MAP2: variants seen among roughly 807,000 people sequenced by gnomAD.
MAP2 encodes microtubule associated protein 2.
MAP2 carries 14 observed loss-of-function variants against 137.6 expected under a neutral mutation model. The observed-to-expected ratio is 0.10, with a 90% CI of 0.07 to 0.16. The LOEUF is 0.16. Ranked by LOEUF, MAP2 falls within the 10% of genes least tolerant of loss-of-function variation. The probability of loss-of-function intolerance (pLI) is 1.00; values close to 1 mark genes in which losing one functional copy is unlikely to be tolerated. For synonymous variants in MAP2, 786 were observed against 782.3 expected, an observed-to-expected ratio of 1.00 and a Z score of -0.08; for missense variants, 2,088 against 2,191.5, an observed-to-expected ratio of 0.95 and a Z score of 0.94.
At chr2:209,683,200 T>C (rs1024053864) in intron 7 of MAP2, among the ~76,000 whole-genome samples, 10 of 152,212 alleles carry the variant, frequency 6.6e-5, no homozygotes, top group African/African-American at 2.2e-4. Flanking sequence ...AGGTGTCAAC[T>C]TTCCAGAGTT....
intron 4 of MAP2, among the ~76,000 whole-genome samples, chr2:209,637,272 A>G (rs914619138): frequency 2.0e-5 from 3 of 152,098 alleles, no homozygotes; most frequent in Admixed American, 6.6e-5. Flanking sequence ...GTGAAACCCT[A>G]TCTCTATTAA....
intron 1 of MAP2, among the ~76,000 whole-genome samples, chr2:209,432,722 T>C (rs961064636): frequency 2.0e-5 from 3 of 152,160 alleles, no homozygotes; most frequent in African/African-American, 7.2e-5. Context: ...GAGTTTCTTA[T>C]AATTTCCATA....
chr2:209,681,174 A>T (rs2054392034), intron 7 of MAP2, among the ~76,000 whole-genome samples: 1 of 152,180 alleles, frequency 6.6e-6, no homozygotes, highest in Non-Finnish European at 1.5e-5. Context: ...TAAAATAAAT[A>T]TAAATGTAAT....
At chr2:209,537,039 CTTTGCTTTATTGTT>C (rs1352912709) in intron 2 of MAP2, among the ~76,000 whole-genome samples, 3 of 152,144 alleles carry the variant, frequency 2.0e-5, no homozygotes, top group Non-Finnish European at 2.9e-5. Flanking sequence ...TTTTGTTGTG[CTTTGCTTTATTGTT>C]TTTGCTTTAT....
intron 2 of MAP2, chr2:209,579,729 T>TGC: frequency 6.6e-6 from 1 of 152,184 alleles, no homozygotes; most frequent in Admixed American, 6.5e-5. Context: ...AAGGCTAGAC[T>TGC]TGAGTGGTAT....
At chr2:209,718,657 G>T (rs142250195) in intron 13 of MAP2, among the ~76,000 whole-genome samples, 1 of 152,108 alleles carries the variant, frequency 6.6e-6, no homozygotes, top group Admixed American at 6.6e-5. Context: ...CTCAGCTTGC[G>T]TAGGAAAATT....
At chr2:209,610,987 A>C (rs2086649118) in intron 3 of MAP2, among the ~76,000 whole-genome samples, 1 of 152,184 alleles carries the variant, frequency 6.6e-6, no homozygotes, top group Admixed American at 6.5e-5. Flanking sequence ...ATTAAATTCT[A>C]CAAAGAGTCT....
intron 1 of MAP2, among the ~76,000 whole-genome samples, chr2:209,451,244 C>T (rs1440465321): frequency 6.6e-6 from 1 of 152,208 alleles, no homozygotes; most frequent in Non-Finnish European, 1.5e-5. Flanking sequence ...CATCCACTCT[C>T]CACCTTTCTC....
chr2:209,640,765 T>A (rs1341415035), intron 4 of MAP2, among the ~76,000 whole-genome samples: 2 of 152,222 alleles, frequency 1.3e-5, no homozygotes, highest in African/African-American at 2.4e-5. Flanking sequence ...TCTCCAGGAC[T>A]TTATTCTTCC....
intron 3 of MAP2, among the ~76,000 whole-genome samples, chr2:209,590,293 A>G (rs1032323494): frequency 4.6e-5 from 7 of 152,184 alleles, no homozygotes; most frequent in African/African-American, 7.2e-5. Context: ...GTTGGCTAAT[A>G]AATACGGTAG....
rs1575590160 is a variant in MAP2, at chr2:209,471,254, A to G, written c.-221-36338A>G. On this transcript the variant is annotated intron_variant, in intron 1 of 15. Transcript: ENST00000682079. Reference sequence around the variant, plus strand: ...TCTGACTCATCCTACACAGGAAGGGAATCCTTACTCAAACTCCTTCAGGTT... The same window carrying G: ...TCTGACTCATCCTACACAGGAAGGGGATCCTTACTCAAACTCCTTCAGGTT... Among the ~76,000 whole-genome samples the G allele has an allele frequency of 2.0e-5, 3 of 152,174 alleles. 1 individual carries two copies. The highest frequency in any genetic ancestry group is 2.0e-4 in the Admixed American group (3 of 15,268).
chr2:209,558,715 A>G (rs1204570274), intron 2 of MAP2, among the ~76,000 whole-genome samples: 1 of 151,504 alleles, frequency 6.6e-6, no homozygotes, highest in Non-Finnish European at 1.5e-5. Context: ...TCCAAGAATA[A>G]GCAAGGTTAC....
At chr2:209,662,163 T>G (rs1375624351) in intron 5 of MAP2, among the ~76,000 whole-genome samples, 1 of 152,220 alleles carries the variant, frequency 6.6e-6, no homozygotes, top group Non-Finnish European at 1.5e-5. Flanking sequence ...CTACAAACAC[T>G]TCAAGTTGTG....
intron 1 of MAP2, among the ~76,000 whole-genome samples, chr2:209,484,550 C>T (rs1020789749): frequency 1.3e-5 from 2 of 152,068 alleles, no homozygotes; most frequent in African/African-American, 2.4e-5. Context: ...ATTAGTCTGG[C>T]GTGGTTGCAG....
At chr2:209,535,261 G>C (rs1364359771) in intron 2 of MAP2, among the ~76,000 whole-genome samples, 1 of 152,148 alleles carries the variant, frequency 6.6e-6, no homozygotes, top group Non-Finnish European at 1.5e-5. Context: ...TGCTCAATTT[G>C]TTCTTTGTAT....
intron 4 of MAP2, among the ~76,000 whole-genome samples, chr2:209,651,926 G>T (rs2094829788): frequency 1.3e-5 from 2 of 152,284 alleles, no homozygotes; most frequent in South Asian, 4.1e-4. Context: ...AACAGAGCTT[G>T]GTAGTAAGAA....
At chr2:209,491,118 G>C (rs1216433676) in intron 1 of MAP2, among the ~76,000 whole-genome samples, 1 of 152,070 alleles carries the variant, frequency 6.6e-6, no homozygotes, top group Admixed American at 6.6e-5. Flanking sequence ...AGTGCAATCA[G>C]ATTAGAACTC....
intron 13 of MAP2, chr2:209,710,848 G>A (rs888806664): frequency 8.5e-5 from 13 of 152,922 alleles, no homozygotes; most frequent in African/African-American, 2.7e-4. Context: ...AAGATTAATT[G>A]TATTAAATAG....
intron 4 of MAP2, among the ~76,000 whole-genome samples, chr2:209,646,093 A>G (rs2094404399): frequency 6.6e-6 from 1 of 152,110 alleles, no homozygotes; most frequent in Non-Finnish European, 1.5e-5. Flanking sequence ...GCTGCTTGAG[A>G]GGCTGAGCGG....
Sources: gnomAD v4.1 joint callset for allele counts (sites outside exome capture counted in the v4.1 genomes callset) on GRCh38, gnomAD v4.1.1 for gene constraint, MANE v1.5 for transcripts, NCBI Gene and HGNC (gene_info 2026-07-23, HGNC 2026-07-21) for gene names.